Variants in ASXL2 observed in about 807,000 individuals in gnomAD.
ASXL2 encodes ASXL transcriptional regulator 2.
A neutral mutation model predicts 122.0 loss-of-function variants in ASXL2; 23 were observed. The observed-to-expected ratio is 0.19, with a 90% CI of 0.14 to 0.27. The LOEUF (loss-of-function observed/expected upper bound fraction) is 0.27. ASXL2 is among the 10% of genes least tolerant of loss of function. ASXL2 has a pLI of 1.00. For missense variants in ASXL2, 1,518 were observed against 1,713.8 expected (o/e 0.89, Z 2.02); for synonymous variants, 650 against 637.0 (o/e 1.02, Z -0.31).
intron 1 of ASXL2, among the ~76,000 whole-genome samples, chr2:25,850,323 T>C (rs923292853): frequency 2.0e-5 from 3 of 152,222 alleles, no homozygotes; most frequent in Non-Finnish European, 4.4e-5. Context: ...ATATACTGCA[T>C]TTGGCTAACA....
At chr2:25,806,398 C>G in intron 3 of ASXL2, 61 bp from the exon 4 acceptor site, 1 of 1,108,024 alleles carries the variant, frequency 9.0e-7, no homozygotes. Flanking sequence ...CTCTGAATAT[C>G]CTATGTAACA....
chr2:25,817,030 C>T (rs773373555), intron 3 of ASXL2, among the ~76,000 whole-genome samples: 4 of 152,080 alleles, frequency 2.6e-5, no homozygotes, highest in Non-Finnish European at 5.9e-5. Context: ...GAGGCTAAGG[C>T]ATGAGAATTG....
intron 1 of ASXL2, among the ~76,000 whole-genome samples, chr2:25,860,048 A>ATGG (rs2089825582): frequency 6.6e-6 from 1 of 152,162 alleles, no homozygotes; most frequent in African/African-American, 2.4e-5. Context: ...ATGCTCAGGC[A>ATGG]TGGTGGCTCA....
rs1297286726 is a variant in ASXL2 at position 25,742,831 on chromosome 2, G to A, written c.3506C>T (p.Ala1169Val). The change falls in exon 13 of 13, where the codon GCA (alanine) becomes GTA (valine). Residue 1169 changes from alanine (A) to valine (V), a missense_variant. Physicochemically the swap from Ala to Val is moderately conservative, Grantham distance 64. This residue lies in a region of ASXL2 where 831 missense variants were observed against 833.1 expected (regional missense o/e 1.00). Coordinates refer to ENST00000435504, the MANE Select transcript of ASXL2 (RefSeq NM_018263.6). The stretch of plus-strand genomic sequence containing the variant: ...TTTGCTGCTGCTACTCTCTCCTGTT[G>A]CATTTTTACAGTCTGTATATCCCAT... ...LKMGYTDCKNATGESSSSKED... is the reference protein window; with the variant it reads ...LKMGYTDCKNVTGESSSSKED... 6.2e-7 allele frequency: 1 copy of A among 1,613,950 alleles called. No individual in the cohort carries two copies. Among genetic ancestry groups the A allele is most frequent in the Non-Finnish European group, 8.5e-7 (1 of 1,179,896 alleles).
At position 25,778,361 on chromosome 2, in the gene ASXL2, G is replaced by T. The variant is rs114094324; in HGVS notation, c.404-6821C>A. On this transcript the variant is annotated intron_variant, in intron 5 of 12. Coordinates refer to ENST00000435504, the MANE Select transcript of ASXL2 (RefSeq NM_018263.6). ...GAGACTGGAGTAATGTGTTCATAAG[G>T]CAAGGAAGTCAGCAAGAAAAAGGTT... is the stretch of plus-strand genomic sequence containing the variant. 8.3e-3 allele frequency among the ~76,000 whole-genome samples: 1,262 copies of T among 152,292 alleles called. 10 individuals are homozygous for T. The highest frequency in any genetic ancestry group is 0.03 in the African/African-American group (1,227 of 41,542).
chr2:25,753,454 G>A, intron 11 of ASXL2, 80 bp downstream of exon 11: 1 of 943,456 alleles, frequency 1.1e-6, no homozygotes, highest in Non-Finnish European at 1.5e-6. Context: ...TAGATTTTCT[G>A]AGAAGGTAAT....
chr2:25,750,218 C>T lies in ASXL2; in HGVS notation c.1338G>A (p.Glu446=), dbSNP rs372657820. The change falls in exon 12 of 13, where the codon GAG becomes GAA. Residue 446 remains glutamate, a synonymous_variant. Coordinates refer to ENST00000435504, the MANE Select transcript of ASXL2 (RefSeq NM_018263.6). The part of the protein sequence containing the change: ...LQMSSPGRKE[E]CESQGEVQPN... ...GCTGCACTTCACCTTGGCTTTCACA[C>T]TCTTCTTTTCTGCCTGGTGATGACA... 591 of 1,614,016 alleles carry T rather than the reference C, an allele frequency of 3.7e-4. 8 individuals are homozygous for T. The South Asian group carries it at 5.6e-3, about 15-fold the overall frequency.
At chr2:25,763,056 C>CTTCAAAACAT (rs1373083000) in intron 8 of ASXL2, among the ~76,000 whole-genome samples, 1 of 152,112 alleles carries the variant, frequency 6.6e-6, no homozygotes, top group African/African-American at 2.4e-5. Context: ...TATAAAGAAA[C>CTTCAAAACAT]TTCAAAACAT....
chr2:25,816,835 ACATTCTTGGCTTGGTGTGGT>A (rs749878313), intron 3 of ASXL2, among the ~76,000 whole-genome samples: 3 of 152,150 alleles, frequency 2.0e-5, no homozygotes, highest in Non-Finnish European at 4.4e-5. Flanking sequence ...GCAATAGAAA[ACATTCTTGGCTTGGTGTGGT>A]GGCTCACGCC....
chr2:25,853,623 T>C (rs756103442), intron 1 of ASXL2, among the ~76,000 whole-genome samples: 9 of 152,148 alleles, frequency 5.9e-5, no homozygotes, highest in Non-Finnish European at 4.4e-5. Flanking sequence ...GTACTGCTTA[T>C]CACAGTGCAC....
intron 5 of ASXL2, among the ~76,000 whole-genome samples, chr2:25,788,595 C>G (rs932016491): frequency 6.6e-6 from 1 of 152,150 alleles, no homozygotes; most frequent in Non-Finnish European, 1.5e-5. Flanking sequence ...CACATGATCA[C>G]TAGCAGTTGG....
Position 25,736,295 on chromosome 2 carries a change from C to T in ASXL2, c.*5734G>A, listed in dbSNP as rs141243303. On this transcript the variant is annotated 3_prime_UTR_variant, in exon 13 of 13. Coordinates refer to ENST00000435504, the MANE Select transcript of ASXL2 (RefSeq NM_018263.6). ...TGCAGACCAACTCTACTTGCAGGCA[C>T]CCATGTCATCACCTGAATATAAATT... 155 of 152,238 alleles carry T rather than the reference C, an allele frequency of 1.0e-3. No homozygotes were observed. The highest frequency in any genetic ancestry group is 3.6e-3 in the African/African-American group (148 of 41,530). 9.4% of individuals were successfully genotyped at this position (152,238 alleles called of 1,614,324 possible). A position where few individuals can be genotyped will look rare whatever the true frequency, so the allele number is the denominator to read the frequency against.
At chr2:25,795,188 T>C (rs528209568) in intron 5 of ASXL2, among the ~76,000 whole-genome samples, 4 of 152,174 alleles carry the variant, frequency 2.6e-5, no homozygotes, top group Non-Finnish European at 5.9e-5. Context: ...GGCTTTATTA[T>C]AGACTACCTG....
rs1303853087 is a variant in ASXL2 at position 25,737,933 on chromosome 2, A to C, written c.*4096T>G. 1 of 152,188 alleles carries C rather than the reference A, an allele frequency of 6.6e-6. No homozygotes were observed. The highest frequency in any genetic ancestry group is 1.5e-5 in the Non-Finnish European group (1 of 68,020). 9.4% of individuals were successfully genotyped at this position (152,188 alleles called of 1,614,324 possible). A position where few individuals can be genotyped will look rare whatever the true frequency, so the allele number is the denominator to read the frequency against. ...AGACACAAAAGTTTAGCATTTACCA[A>C]ACCAGTCTGTACAAACCTTACAGCC... is the stretch of plus-strand genomic sequence containing the variant. On this transcript the variant is annotated 3_prime_UTR_variant, in exon 13 of 13. Coordinates refer to ENST00000435504, the MANE Select transcript of ASXL2 (RefSeq NM_018263.6).
chr2:25,744,978 C>CACA lies in ASXL2; in HGVS notation c.1861-503_1861-502insTGT, dbSNP rs1186927531. Among the ~76,000 whole-genome samples, 2 of 140,152 alleles carry CACA rather than the reference C, an allele frequency of 1.4e-5. No homozygotes were observed. The highest frequency in any genetic ancestry group is 4.0e-4 in the East Asian group (2 of 5,046). The allele number at this position is 140,152 out of a possible 152,430, so 91.9% of individuals were successfully genotyped here. A position where few individuals can be genotyped will look rare whatever the true frequency, so the allele number is the denominator to read the frequency against. On this transcript the variant is annotated intron_variant, in intron 12 of 12. Coordinates refer to ENST00000435504, the MANE Select transcript of ASXL2 (RefSeq NM_018263.6). The surrounding 1 kb of genome is among the most constrained non-coding windows in gnomAD (Gnocchi z 4.7). ...ACACACACACACACACACACACACA[C>CACA]ACTTGGGCTGGATTATCTCAAATTA...
Position 25,750,253 on chromosome 2 carries a change from C to T in ASXL2, c.1303G>A (p.Ala435Thr), listed in dbSNP as rs377354374. The change falls in exon 12 of 13, where the codon GCA becomes ACA. Residue 435 changes from alanine (A) to threonine (T), a missense_variant. Ala to Thr is a moderately conservative substitution (Grantham distance 58, BLOSUM62 0). Transcript: ENST00000435504. ...VVSQSECKEEALQMSSPGRKE... is the reference protein window; with the variant it reads ...VVSQSECKEETLQMSSPGRKE... ...CTGCCTGGTGATGACATTTGCAATG[C>T]TTCTTCTTTACACTCTGACTGGGAG... 26 of 1,613,850 alleles carry T rather than the reference C, an allele frequency of 1.6e-5. No homozygotes were observed. The South Asian group carries it at 2.0e-4, about 12-fold the overall frequency.
At position 25,835,526 on chromosome 2, in the gene ASXL2, A is replaced by T. The variant is rs1481345750; in HGVS notation, c.143+12T>A. ...GCATAATACTTCTTTAGAATAAAGT[A>T]ATACTTCTTACCTTCTGGAGTTGGA... On this transcript the variant is annotated intron_variant, in intron 3 of 12. Coordinates refer to ENST00000435504, the MANE Select transcript of ASXL2 (RefSeq NM_018263.6). The T allele has an allele frequency of 3.3e-6, 1 of 299,670 alleles. No individual in the cohort carries two copies. Among genetic ancestry groups the T allele is most frequent in the Non-Finnish European group, 7.2e-6 (1 of 139,040 alleles). The allele number at this position is 299,670 out of a possible 1,614,324, so 18.6% of individuals were successfully genotyped here. A position where few individuals can be genotyped will look rare whatever the true frequency, so the allele number is the denominator to read the frequency against.
chr2:25,765,981 AG>A (rs1356225133), intron 8 of ASXL2, among the ~76,000 whole-genome samples: 1 of 152,128 alleles, frequency 6.6e-6, no homozygotes, highest in Non-Finnish European at 1.5e-5. Flanking sequence ...AATCAAACTA[AG>A]GTTTTTTTAT....
chr2:25,878,427 C>A lies in ASXL2; in HGVS notation c.-205G>T, dbSNP rs918918994. 1.7e-6 allele frequency: 1 copy of A among 597,830 alleles called. No individual in the cohort carries two copies. The highest frequency in any genetic ancestry group is 3.0e-6 in the Non-Finnish European group (1 of 337,096). 37.0% of individuals were successfully genotyped at this position (597,830 alleles called of 1,614,324 possible). On this transcript the variant is annotated 5_prime_UTR_variant, in exon 1 of 13. Coordinates refer to ENST00000435504, the MANE Select transcript of ASXL2 (RefSeq NM_018263.6). ...GCGGCCGGTCCTCTTGCTGCCGTTGCCACTGCTACCGCCGCTGCCATATTG... is the reference window on the plus strand; with the variant it reads ...GCGGCCGGTCCTCTTGCTGCCGTTGACACTGCTACCGCCGCTGCCATATTG...
Sources: allele counts gnomAD v4.1 joint callset (sites outside exome capture counted in the v4.1 genomes callset), GRCh38; gene constraint gnomAD v4.1.1; regional missense constraint gnomAD v4.1.1; non-coding constraint Gnocchi (gnomAD v3.1); transcripts MANE v1.5; gene names NCBI Gene and HGNC (gene_info 2026-07-23, HGNC 2026-07-21).